Variants in TNS3 observed in about 807,000 individuals in gnomAD.
The protein encoded by TNS3 is tensin-3.
TNS3 carries 45 observed loss-of-function variants against 140.9 expected under a neutral mutation model. That is an observed-to-expected ratio of 0.32 (90% CI 0.25 to 0.41). TNS3 has a LOEUF of 0.41. Ranked by LOEUF, TNS3 falls within the 10% of genes least tolerant of loss-of-function variation. The pLI is 1.00. For synonymous variants in TNS3, 815 were observed against 788.4 expected (o/e 1.03, Z -0.56); for missense variants, 1,716 against 1,906.7 (o/e 0.90, Z 1.86).
In TNS3 at chr7:47,390,501, G is replaced by A. The variant is rs568718958; in HGVS notation, c.1024+6299C>T. On this transcript the variant is annotated intron_variant, in intron 16 of 30. Coordinates refer to ENST00000311160, the MANE Select transcript of TNS3 (RefSeq NM_022748.12). ...AGACAAATGTGAATCTCCTCTGTCT[G>A]CCTGCTCTAGCAGCCCCATGGGAGC... 2.3e-3 allele frequency among the ~76,000 whole-genome samples: 346 copies of A among 152,262 alleles called. 1 individual carries two copies. Among genetic ancestry groups the A allele is most frequent in the African/African-American group, 8.1e-3 (335 of 41,548 alleles).
At chr7:47,356,985 G>A (rs1453364762) in intron 17 of TNS3, among the ~76,000 whole-genome samples, 13 of 151,946 alleles carry the variant, frequency 8.6e-5, no homozygotes, top group Admixed American at 8.5e-4. Flanking sequence ...CTACTCTGGA[G>A]GCTGAGGTGA....
chr7:47,574,460 A>G (rs1299399270), intron 1 of TNS3, among the ~76,000 whole-genome samples: 1 of 152,110 alleles, frequency 6.6e-6, no homozygotes, highest in Admixed American at 6.5e-5. Flanking sequence ...CAATTTGACC[A>G]TATATACTAA....
At chr7:47,298,255 C>T (rs1008514999) in intron 23 of TNS3, among the ~76,000 whole-genome samples, 2 of 152,338 alleles carry the variant, frequency 1.3e-5, no homozygotes, top group South Asian at 2.1e-4. Flanking sequence ...TGGGCCCAGC[C>T]TGGATGGGGC....
At chr7:47,573,916 G>C (rs908593815) in intron 1 of TNS3, among the ~76,000 whole-genome samples, 3 of 152,196 alleles carry the variant, frequency 2.0e-5, no homozygotes, top group Admixed American at 1.3e-4. Flanking sequence ...CACATTCTTA[G>C]AGGGTAAAAA....
intron 10 of TNS3, among the ~76,000 whole-genome samples, chr7:47,422,638 A>AAAAG (rs1554321825): frequency 7.9e-5 from 12 of 151,652 alleles, no homozygotes; most frequent in African/African-American, 1.5e-4. Flanking sequence ...AAAAGAAAAA[A>AAAAG]AAAATGAAGA....
At chr7:47,447,513 T>C (rs924606899) in intron 4 of TNS3, among the ~76,000 whole-genome samples, 2 of 152,144 alleles carry the variant, frequency 1.3e-5, no homozygotes, top group Admixed American at 1.3e-4. Flanking sequence ...TCCACTCGCC[T>C]AGGCCTCATC....
At position 47,324,224 on chromosome 7, in the gene TNS3, C is replaced by T. The variant is rs6942504; in HGVS notation, c.2651-19221G>A. On this transcript the variant is annotated intron_variant, in intron 20 of 30. Coordinates refer to ENST00000311160, the MANE Select transcript of TNS3 (RefSeq NM_022748.12). ...TACCAGCTCATGTTTACCGAATTTT[C>T]TATCTTTGTGGTAAGTCCTCATTTC... Among the ~76,000 whole-genome samples the T allele has an allele frequency of 6.3e-3, 956 of 152,304 alleles. 9 individuals are homozygous for T. Among genetic ancestry groups the T allele is most frequent in the African/African-American group, 0.02 (836 of 41,560 alleles).
intron 28 of TNS3, among the ~76,000 whole-genome samples, chr7:47,281,273 C>G (rs1332331258): frequency 6.6e-6 from 1 of 152,242 alleles, no homozygotes; most frequent in Admixed American, 6.5e-5. Flanking sequence ...GACATGACCA[C>G]CTGGGGCATT....
intron 1 of TNS3, among the ~76,000 whole-genome samples, chr7:47,547,652 G>A (rs1403477457): frequency 6.6e-6 from 1 of 152,036 alleles, no homozygotes; most frequent in Non-Finnish European, 1.5e-5. Flanking sequence ...GCAAGCCAAG[G>A]TCACAGACTT....
intron 1 of TNS3, among the ~76,000 whole-genome samples, chr7:47,561,113 G>A (rs1800311755): frequency 1.3e-5 from 2 of 152,222 alleles, no homozygotes; most frequent in African/African-American, 4.8e-5. Context: ...ACTTCAGAGG[G>A]TAAGCTAGGA....
chr7:47,400,564 T>C (rs1793095294), intron 14 of TNS3, 106 bp from the exon 15 acceptor site: 23 of 1,296,914 alleles, frequency 1.8e-5, no homozygotes, highest in Non-Finnish European at 2.4e-5. Flanking sequence ...CTCCCAAATC[T>C]GCAATAAAGA....
At chr7:47,530,371 A>G (rs1050958189) in intron 1 of TNS3, among the ~76,000 whole-genome samples, 4 of 152,160 alleles carry the variant, frequency 2.6e-5, no homozygotes, top group Non-Finnish European at 4.4e-5. Context: ...AAACAAATAA[A>G]CAAGCATCAG....
At position 47,486,901 on chromosome 7, in the gene TNS3, A is replaced by G. The variant is rs886452111; in HGVS notation, c.-114-5760T>C. 2.6e-5 allele frequency among the ~76,000 whole-genome samples: 4 copies of G among 152,220 alleles called. No individual in the cohort carries two copies. The East Asian group carries it at 7.7e-4, about 29-fold the overall frequency. ...AAACATGCATATTCTGTATAAAGAGAATAAATGTAAATTTCAATTCTATCT... is the reference window on the plus strand; with the variant it reads ...AAACATGCATATTCTGTATAAAGAGGATAAATGTAAATTTCAATTCTATCT... On this transcript the variant is annotated intron_variant, in intron 3 of 30. Coordinates refer to ENST00000311160, the MANE Select transcript of TNS3 (RefSeq NM_022748.12).
intron 28 of TNS3, among the ~76,000 whole-genome samples, chr7:47,283,112 C>G (rs970850990): frequency 1.3e-5 from 2 of 152,240 alleles, no homozygotes; most frequent in African/African-American, 4.8e-5. Context: ...AGGCTGCACT[C>G]AGGGATGGCA....
At position 47,541,533 on chromosome 7, in the gene TNS3, C is replaced by G. The variant is rs115821770; in HGVS notation, c.-264-12386G>C. Among the ~76,000 whole-genome samples, 1,279 of 152,122 alleles carry G rather than the reference C, an allele frequency of 8.4e-3. 20 individuals are homozygous for G. The highest frequency in any genetic ancestry group is 0.029 in the African/African-American group (1,214 of 41,464). On this transcript the variant is annotated intron_variant, in intron 1 of 30. Coordinates refer to ENST00000311160, the MANE Select transcript of TNS3 (RefSeq NM_022748.12). ...TTTAACAAAAAGACACAGGGGCCAGCCTGAAGAGGCTCCCACCAGGCAAAC... is the reference window on the plus strand; with the variant it reads ...TTTAACAAAAAGACACAGGGGCCAGGCTGAAGAGGCTCCCACCAGGCAAAC...
intron 27 of TNS3, 74 bp from the exon 28 acceptor site, chr7:47,283,939 T>C (rs570480501): frequency 3.6e-6 from 5 of 1,384,392 alleles, no homozygotes; most frequent in East Asian, 5.1e-5. Flanking sequence ...ACACAGGCAG[T>C]TGCTGATGTG....
At chr7:47,484,324 C>T (rs573040166) in intron 3 of TNS3, among the ~76,000 whole-genome samples, 2 of 152,352 alleles carry the variant, frequency 1.3e-5, no homozygotes, top group South Asian at 4.1e-4. Flanking sequence ...ACAAACATCT[C>T]ATTTAGCAAA....
chr7:47,430,416 C>T (rs1794873519), intron 8 of TNS3, among the ~76,000 whole-genome samples: 1 of 152,128 alleles, frequency 6.6e-6, no homozygotes, highest in Non-Finnish European at 1.5e-5. Flanking sequence ...AGGCATGAGC[C>T]ACTGCACCCG....
chr7:47,408,278 G>A (rs1342015481), intron 13 of TNS3, among the ~76,000 whole-genome samples: 1 of 152,090 alleles, frequency 6.6e-6, no homozygotes, highest in Non-Finnish European at 1.5e-5. Context: ...CATTTATCAA[G>A]TGCCAAACCC....
Sources: allele counts gnomAD v4.1 joint callset (sites outside exome capture counted in the v4.1 genomes callset), GRCh38; gene constraint gnomAD v4.1.1; transcripts MANE v1.5; gene names NCBI Gene and HGNC (gene_info 2026-07-23, HGNC 2026-07-21).